The following ZNF782 variants were observed in gnomAD, a reference collection of about 807,000 sequenced individuals.
The protein encoded by ZNF782 is zinc finger protein 782.
In ZNF782, 12 loss-of-function variants were observed where a neutral mutation model predicts 13.0. That is an observed-to-expected ratio of 0.92 (90% CI 0.59 to 1.50). The LOEUF (loss-of-function observed/expected upper bound fraction) is 1.50, where lower values mean the gene tolerates loss of function less well. Among genes scored for constraint, ZNF782 ranks in the 40% most tolerant of loss-of-function variants. The pLI is 0.00. For synonymous variants in ZNF782, 284 were observed against 283.0 expected, an observed-to-expected ratio of 1.00 and a Z score of -0.04; for missense variants, 770 against 822.9, an observed-to-expected ratio of 0.94 and a Z score of 0.79.
At chr9:96,910,198 G>C in the ZNF782 span, 1 of 782,980 alleles carries the variant, frequency 1.3e-6, no homozygotes, top group Non-Finnish European at 2.2e-6. Flanking sequence ...ATGCTAATGA[G>C]GAAAATGGGG....
upstream of ZNF782, among the ~76,000 whole-genome samples, chr9:96,880,058 A>T (rs533393851): frequency 6.6e-6 from 1 of 151,246 alleles, no homozygotes; most frequent in South Asian, 2.1e-4. Context: ...AACTGTAAAT[A>T]ACATTATGTT....
chr9:96,893,571 A>G, the ZNF782 span: 7 of 152,194 alleles, frequency 4.6e-5, no homozygotes, highest in Middle Eastern at 3.2e-3. Flanking sequence ...TATAAAGACA[A>G]ATGTACATGT....
At chr9:96,832,543 A>C (rs775892630) in intron 4 of ZNF782, among the ~76,000 whole-genome samples, 1 of 152,094 alleles carries the variant, frequency 6.6e-6, no homozygotes, top group Non-Finnish European at 1.5e-5. Context: ...ATAAACTCTT[A>C]GTTTCCCTTC....
At chr9:96,872,895 A>T (rs1210153842) in intron 1 of ZNF782, among the ~76,000 whole-genome samples, 1 of 152,210 alleles carries the variant, frequency 6.6e-6, no homozygotes, top group Non-Finnish European at 1.5e-5. Context: ...AAGGATTCCC[A>T]GGAATAGTGT....
chr9:96,932,192 G>A, the ZNF782 span: 1 of 1,613,802 alleles, frequency 6.2e-7, no homozygotes, highest in Admixed American at 1.7e-5. Flanking sequence ...ACCACCACCG[G>A]CTGCCCAGGT....
At chr9:96,915,000 G>A in the ZNF782 span, among the ~76,000 whole-genome samples, 5 of 150,730 alleles carry the variant, frequency 3.3e-5, no homozygotes, top group African/African-American at 7.3e-5. Context: ...GTATTGGGGT[G>A]CATAAAATGT....
intron 4 of ZNF782, among the ~76,000 whole-genome samples, chr9:96,833,823 A>G (rs577828925): frequency 2.6e-5 from 4 of 152,158 alleles, no homozygotes; most frequent in Non-Finnish European, 5.9e-5. Context: ...TTATTTATTC[A>G]ATTATTTATA....
At position 96,818,330 on chromosome 9, in the gene ZNF782, T is replaced by C; in HGVS notation, c.1693A>G (p.Asn565Asp). ...IHTGEKPYKC[N>D]HCGEAFSQKS... ...TGACTGAAAGCTTCCCCACAATGAT[T>C]ACATTTATAGGGTTTTTCCCCTGTG... The change falls in exon 6 of 6, where the codon AAT becomes GAT. Residue 565 changes from asparagine to aspartate, a missense_variant. Coordinates refer to ENST00000481138, the MANE Select transcript of ZNF782 (RefSeq NM_001001662.3). 7 of 1,614,104 alleles carry C rather than the reference T, an allele frequency of 4.3e-6. No homozygotes were observed. In the Admixed American group the frequency reaches 1.2e-4, roughly 27 times the overall value.
intron 1 of ZNF782, among the ~76,000 whole-genome samples, chr9:96,872,949 G>GA (rs1851844444): frequency 6.6e-6 from 1 of 152,068 alleles, no homozygotes; most frequent in Non-Finnish European, 1.5e-5. Flanking sequence ...CAGTTACACA[G>GA]AAAAAAAGTG....
At chr9:96,886,922 GA>G in the ZNF782 span, among the ~76,000 whole-genome samples, 9,912 of 84,728 alleles carry the variant, frequency 0.12, 1,094 homozygotes, top group African/African-American at 0.32. Flanking sequence ...ACTCCCTCTC[GA>G]AAAAAAAAAA....
intron 4 of ZNF782, among the ~76,000 whole-genome samples, chr9:96,838,873 G>A (rs1046802626): frequency 4.0e-5 from 6 of 151,816 alleles, no homozygotes; most frequent in Admixed American, 6.6e-5. Context: ...CCACCACCAC[G>A]CCTGGCTAAT....
At chr9:96,879,835 G>T (rs1483847134), upstream of ZNF782, among the ~76,000 whole-genome samples, 3 of 152,112 alleles carry the variant, frequency 2.0e-5, no homozygotes, top group Non-Finnish European at 4.4e-5. Flanking sequence ...TTTGCATTCT[G>T]TGATCTTGCT....
At position 96,819,466 on chromosome 9, in the gene ZNF782, G is replaced by T. The variant is rs770144932; in HGVS notation, c.557C>A (p.Ser186Tyr). The change falls in exon 6 of 6, where the codon TCT (serine) becomes TAT (tyrosine). Residue 186 changes from serine to tyrosine, a missense_variant. Ser to Tyr is a moderately radical substitution (Grantham distance 144). Transcript: ENST00000481138. ...TTTCACAATTTTACTATAAGCGAAAGATTTCTCTTGAGTGTTAGTTCTGCC... is the reference window on the plus strand; with the variant it reads ...TTTCACAATTTTACTATAAGCGAAATATTTCTCTTGAGTGTTAGTTCTGCC... ...KDGRTNTQEK[S>Y]FAYSKIVKTL... The T allele has an allele frequency of 1.9e-6, 3 of 1,613,874 alleles. No individual in the cohort carries two copies. The highest frequency in any genetic ancestry group is 2.7e-5 in the African/African-American group (2 of 74,930).
upstream of ZNF782, among the ~76,000 whole-genome samples, chr9:96,859,259 G>A (rs1413118186): frequency 6.6e-6 from 1 of 152,210 alleles, no homozygotes; most frequent in Non-Finnish European, 1.5e-5. Flanking sequence ...TGGAGCCAGT[G>A]TATTTGGGGG....
intron 5 of ZNF782, 106 bp from the exon 6 acceptor site, chr9:96,819,884 T>G: frequency 1.1e-6 from 1 of 907,644 alleles, no homozygotes; most frequent in Non-Finnish European, 1.5e-6. Context: ...TTCCTTAGTT[T>G]CTGGCTCAGT....
the ZNF782 span, among the ~76,000 whole-genome samples, chr9:96,917,726 G>C: frequency 6.6e-6 from 1 of 151,440 alleles, no homozygotes; most frequent in East Asian, 1.9e-4. Flanking sequence ...CACCGTGCCC[G>C]ACCAGAAATT....
the ZNF782 span, chr9:96,889,748 T>G: frequency 6.6e-6 from 1 of 152,200 alleles, no homozygotes; most frequent in Non-Finnish European, 1.5e-5. Context: ...ATCTTTATCC[T>G]GTACTTGGGT....
chr9:96,907,605 A>G, the ZNF782 span, among the ~76,000 whole-genome samples: 1 of 152,092 alleles, frequency 6.6e-6, no homozygotes, highest in Non-Finnish European at 1.5e-5. Context: ...CCAATACCAC[A>G]CTGCCTTGAT....
the ZNF782 span, among the ~76,000 whole-genome samples, chr9:96,883,298 CAG>C: frequency 2.3e-3 from 345 of 152,162 alleles, 3 homozygotes; most frequent in African/African-American, 7.8e-3. Flanking sequence ...GGGATGATTC[CAG>C]AACAGCAGCT....
Sources: gnomAD v4.1 joint callset for allele counts (sites outside exome capture counted in the v4.1 genomes callset) on GRCh38, gnomAD v4.1.1 for gene constraint, MANE v1.5 for transcripts, NCBI Gene and HGNC (gene_info 2026-07-23, HGNC 2026-07-21) for gene names.